RO60: variants seen among roughly 807,000 people sequenced by gnomAD.
The protein encoded by RO60 is RNA-binding protein RO60.
RO60 carries 20 observed loss-of-function variants against 55.3 expected under a neutral mutation model. The ratio of observed to expected loss-of-function variants is 0.36; its 90% CI spans 0.25 to 0.53. The LOEUF is 0.53. RO60 is among the 20% of genes least tolerant of loss of function. The pLI is 0.92. For missense variants in RO60, 558 were observed against 646.6 expected, an observed-to-expected ratio of 0.86 and a Z score of 1.49; for synonymous variants, 213 against 213.6, an observed-to-expected ratio of 1.00 and a Z score of 0.02.
At chr1:193,063,545 C>A (rs1457946075) in intron 1 of RO60, among the ~76,000 whole-genome samples, 1 of 152,082 alleles carries the variant, frequency 6.6e-6, no homozygotes, top group East Asian at 1.9e-4. Context: ...CTTGGAAATA[C>A]AAGTTTTAAA....
chr1:193,065,142 T>A (rs1474912782), intron 1 of RO60, among the ~76,000 whole-genome samples: 7 of 152,226 alleles, frequency 4.6e-5, no homozygotes, highest in Non-Finnish European at 1.0e-4. Flanking sequence ...AGAAACCAAT[T>A]GTGCATAATT....
At chr1:193,077,449 A>G (rs1411433717) in intron 5 of RO60, among the ~76,000 whole-genome samples, 3 of 152,176 alleles carry the variant, frequency 2.0e-5, no homozygotes, top group African/African-American at 7.2e-5. Context: ...GAAACTTACA[A>G]TCATGGCAGA....
chr1:193,069,632 A>G lies in RO60; in HGVS notation c.578A>G (p.Glu193Gly). Residue 193 changes from glutamate to glycine, a missense_variant and splice_region_variant, in exon 2 of 9, where the codon GAA becomes GGA. Glu to Gly is a moderately conservative substitution (Grantham distance 98). Transcript: ENST00000400968. ...TTGTCACATCTTAAACCTTCCAGTG[A>G]AGGTAAGCATAAGATCTTCATTGGG... ...LRLSHLKPSS[E>G]GLAIVTKYIT... is the part of the protein sequence containing the mutation. 6.2e-7 allele frequency: 1 copy of G among 1,605,178 alleles called. No individual in the cohort carries two copies. Among genetic ancestry groups the G allele is most frequent in the South Asian group, 1.1e-5 (1 of 90,496 alleles).
Position 193,085,638 on chromosome 1 carries a change from A to G in RO60, c.*907A>G, listed in dbSNP as rs1674595032. On this transcript the variant is annotated 3_prime_UTR_variant, in exon 9 of 9. Transcript: ENST00000400968. ...AAGTATAACAATTAAAATCTCAACT[A>G]TAACCAGTTTAGCTTTTTCCTTACT... 14 of 983,988 alleles carry G rather than the reference A, an allele frequency of 1.4e-5. No homozygotes were observed. The highest frequency in any genetic ancestry group is 1.7e-5 in the Non-Finnish European group (14 of 828,800). The allele number at this position is 983,988 out of a possible 1,614,324, so 61.0% of individuals were successfully genotyped here.
Position 193,069,249 on chromosome 1 carries a change from T to G in RO60, c.195T>G (p.Ile65Met). The G allele has an allele frequency of 6.2e-7, 1 of 1,614,194 alleles. No individual in the cohort carries two copies. The highest frequency in any genetic ancestry group is 8.5e-7 in the Non-Finnish European group (1 of 1,180,044). Reference sequence around the variant, plus strand: ...ATGCTGAAGCTTTAATTAGATTGATTGAAGATGGCAGAGGATGTGAAGTGA... The same window carrying G: ...ATGCTGAAGCTTTAATTAGATTGATGGAAGATGGCAGAGGATGTGAAGTGA... Reference protein sequence around the residue: ...LENAEALIRLIEDGRGCEVIQ... With the variant: ...LENAEALIRLMEDGRGCEVIQ... The change falls in exon 2 of 9, where the codon ATT becomes ATG. Residue 65 changes from isoleucine to methionine, a missense_variant. By Grantham distance (10) the Ile-to-Met change is conservative (BLOSUM62 1). Transcript: ENST00000400968.
chr1:193,084,690 G>C lies in RO60; in HGVS notation c.1576G>C (p.Ala526Pro). The change falls in exon 9 of 9, where the codon GCT becomes CCT. Residue 526 changes from alanine to proline, a missense_variant. Coordinates refer to ENST00000400968, the MANE Select transcript of RO60 (RefSeq NM_001173524.2). ...GGATATGTGCGGCTTTGATACTGGA[G>C]CTCTGGATGTAATTCGAAATTTCAC... ...MLDMCGFDTG[A>P]LDVIRNFTLD... is the part of the protein sequence containing the mutation. The C allele has an allele frequency of 6.2e-7, 1 of 1,613,694 alleles. No homozygotes were observed. The highest frequency in any genetic ancestry group is 8.5e-7 in the Non-Finnish European group (1 of 1,179,832).
intron 2 of RO60, chr1:193,070,528 CT>C (rs748288245): frequency 0.12 from 42,650 of 353,228 alleles, no homozygotes; most frequent in Middle Eastern, 0.2. Context: ...CAAAATTTGA[CT>C]TTTTTTTTTT....
chr1:193,086,734 G>C lies in RO60; in HGVS notation c.*2003G>C, dbSNP rs934933613. 2.6e-5 allele frequency: 4 copies of C among 151,936 alleles called. No individual in the cohort carries two copies. The highest frequency in any genetic ancestry group is 5.9e-5 in the Non-Finnish European group (4 of 67,960). The allele number at this position is 151,936 out of a possible 1,614,324, so 9.4% of individuals were successfully genotyped here. ...ATAAGTTAATATTAAATCCATCAAGGATACAAGATTGGATGGATATGACCT... is the reference window on the plus strand; with the variant it reads ...ATAAGTTAATATTAAATCCATCAAGCATACAAGATTGGATGGATATGACCT... On this transcript the variant is annotated 3_prime_UTR_variant, in exon 9 of 9. Coordinates refer to ENST00000400968, the MANE Select transcript of RO60 (RefSeq NM_001173524.2).
downstream of RO60, chr1:193,091,481 A>G (rs1674854890): frequency 5.0e-6 from 3 of 599,804 alleles, no homozygotes; most frequent in South Asian, 2.1e-5. Context: ...CTGTTGATAA[A>G]CTAACTGATG....
Position 193,069,616 on chromosome 1 carries a change from C to G in RO60, c.562C>G (p.Leu188Val). 1 of 1,609,500 alleles carries G rather than the reference C, an allele frequency of 6.2e-7. No homozygotes were observed. Among genetic ancestry groups the G allele is most frequent in the Non-Finnish European group, 8.5e-7 (1 of 1,176,348 alleles). The change falls in exon 2 of 9, where the codon CTT becomes GTT. Residue 188 changes from leucine to valine, a missense_variant. Transcript: ENST00000400968. ...SHKDLLRLSH[L>V]KPSSEGLAIV... ...CAAAGATCTATTAAGATTGTCACAT[C>G]TTAAACCTTCCAGTGAAGGTAAGCA...
At chr1:193,084,422 C>A (rs181062306) in intron 8 of RO60, among the ~76,000 whole-genome samples, 157 bp from the exon 9 acceptor site, 94 of 152,290 alleles carry the variant, frequency 6.2e-4, no homozygotes, top group African/African-American at 2.1e-3. Flanking sequence ...TCTTCTAAAA[C>A]TCCCATATTC....
Position 193,085,890 on chromosome 1 carries a change from T to C in RO60, c.*1159T>C. 1 of 985,300 alleles carries C rather than the reference T, an allele frequency of 1.0e-6. No individual in the cohort carries two copies. The highest frequency in any genetic ancestry group is 1.2e-6 in the Non-Finnish European group (1 of 829,804). The allele number at this position is 985,300 out of a possible 1,614,324, so 61.0% of individuals were successfully genotyped here. A position where few individuals can be genotyped will look rare whatever the true frequency, so the allele number is the denominator to read the frequency against. On this transcript the variant is annotated 3_prime_UTR_variant, in exon 9 of 9. Coordinates refer to ENST00000400968, the MANE Select transcript of RO60 (RefSeq NM_001173524.2). ...GGAATTTTTTTCAGTATTATTTGTA[T>C]GTATTAAACTTTTCATTACACTAAA...
downstream of RO60, chr1:193,091,624 C>T (rs779931280): frequency 2.3e-5 from 37 of 1,591,976 alleles, no homozygotes; most frequent in Non-Finnish European, 2.8e-5. Context: ...TTCACTGATA[C>T]TGTGAAATCC....
In RO60 at chr1:193,082,561, GA is replaced by G; in HGVS notation, c.1318del (p.Ile440SerfsTer12). 2 of 1,613,624 alleles carry G rather than the reference GA, an allele frequency of 1.2e-6. No individual in the cohort carries two copies. Among genetic ancestry groups the G allele is most frequent in the Non-Finnish European group, 1.7e-6 (2 of 1,179,780 alleles). On this transcript the variant is annotated frameshift_variant and splice_region_variant, in exon 8 of 9. Transcript: ENST00000400968. LOFTEE classifies it high-confidence loss of function. ...TTATTCATGCTTTTGTTCCGAATTAGATCCCAGCAGGTGGAACTGATTGCTC... is the reference window on the plus strand; with the variant it reads ...TTATTCATGCTTTTGTTCCGAATTAGTCCCAGCAGGTGGAACTGATTGCTC... Reference protein sequence around the residue: ...LQQVLMAMSQIPAGGTDCSLP... With the variant: ...LQQVLMAMSQXPAGGTDCSLP...
chr1:193,083,541 T>G (rs1674462290), intron 8 of RO60, among the ~76,000 whole-genome samples: 1 of 152,156 alleles, frequency 6.6e-6, no homozygotes, highest in Admixed American at 6.5e-5. Context: ...ATAGAACTTG[T>G]TGATGAAGAG....
intron 2 of RO60, among the ~76,000 whole-genome samples, chr1:193,071,558 A>G (rs1276506417): frequency 2.6e-5 from 4 of 152,176 alleles, no homozygotes; most frequent in Non-Finnish European, 4.4e-5. Context: ...ACTTGCATAG[A>G]GTACCTACTT....
chr1:193,085,692 A>G lies in RO60; in HGVS notation c.*961A>G, dbSNP rs1253775971. On this transcript the variant is annotated 3_prime_UTR_variant, in exon 9 of 9. Transcript: ENST00000400968. ...AAAATAAAATTTTTTACTTTTAACT[A>G]TTTTTTTAGTTAATATTTTTAAAAG... is the stretch of plus-strand genomic sequence containing the variant. 2 of 977,298 alleles carry G rather than the reference A, an allele frequency of 2.0e-6. No homozygotes were observed. Among genetic ancestry groups the G allele is most frequent in the East Asian group, 1.1e-4 (1 of 8,792 alleles). The allele number at this position is 977,298 out of a possible 1,614,324, so 60.5% of individuals were successfully genotyped here.
chr1:193,065,210 G>C (rs931775568), intron 1 of RO60, among the ~76,000 whole-genome samples: 11 of 152,084 alleles, frequency 7.2e-5, no homozygotes, highest in African/African-American at 2.7e-4. Flanking sequence ...AGTATGTATT[G>C]CTAATTACAT....
Position 193,059,659 on chromosome 1 carries a change from G to A in RO60, c.-139G>A, listed in dbSNP as rs574106821. The stretch of plus-strand genomic sequence containing the variant: ...TGGAATCCCCGGCGGCAGTGGGGCT[G>A]TTGCTGTTGCTGTGGCTGTCGCTGC... On this transcript the variant is annotated 5_prime_UTR_variant, in exon 1 of 9. Coordinates refer to ENST00000400968, the MANE Select transcript of RO60 (RefSeq NM_001173524.2). This position sits in a 1 kb window ranked among gnomAD's most constrained non-coding sequence, Gnocchi z 4.9. 4.4e-6 allele frequency: 6 copies of A among 1,378,252 alleles called. No individual in the cohort carries two copies. In the Admixed American group the frequency reaches 7.8e-5, roughly 18 times the overall value. 85.4% of individuals were successfully genotyped at this position (1,378,252 alleles called of 1,614,324 possible).
Sources: gnomAD v4.1 joint callset for allele counts (sites outside exome capture counted in the v4.1 genomes callset) on GRCh38, gnomAD v4.1.1 for gene constraint, Gnocchi (gnomAD v3.1) non-coding constraint, MANE v1.5 for transcripts, NCBI Gene and HGNC (gene_info 2026-07-23, HGNC 2026-07-21) for gene names.